Variants in HPS5 observed in about 807,000 individuals in gnomAD.
HPS5 encodes BLOC-2 complex member HPS5.
Under a neutral mutation model 128.0 loss-of-function variants are expected in HPS5, and 83 were observed. The observed-to-expected ratio is 0.65, with a 90% CI of 0.54 to 0.78. HPS5 has a LOEUF of 0.78. Among genes scored for constraint, HPS5 ranks in the 30% least tolerant of loss-of-function variants. The pLI is 0.00. For missense variants in HPS5, 1,281 were observed against 1,326.2 expected (o/e 0.97, Z 0.53); for synonymous variants, 475 against 470.2 (o/e 1.01, Z -0.13).
intron 11 of HPS5, among the ~76,000 whole-genome samples, chr11:18,297,301 G>T (rs944168246): frequency 6.6e-6 from 1 of 152,158 alleles, no homozygotes; most frequent in Non-Finnish European, 1.5e-5. Flanking sequence ...TTAGAGCAAC[G>T]TAACTTATGC....
intron 2 of HPS5, among the ~76,000 whole-genome samples, chr11:18,316,546 A>C (rs1863651680): frequency 6.6e-6 from 1 of 152,222 alleles, no homozygotes; most frequent in Non-Finnish European, 1.5e-5. Context: ...AGGGATGGTA[A>C]ATTAGAATTC....
chr11:18,293,115 G>C (rs973355489), intron 14 of HPS5, 139 bp from the exon 15 acceptor site: 4 of 720,996 alleles, frequency 5.5e-6, no homozygotes, highest in Non-Finnish European at 1.0e-5. Flanking sequence ...TCCGCCTCCC[G>C]GGTTCAAGCA....
At position 18,285,288 on chromosome 11, in the gene HPS5, A is replaced by G. The variant is rs112090610; in HGVS notation, c.2951+58T>C. 1.9e-4 allele frequency: 201 copies of G among 1,047,700 alleles called. 1 individual carries two copies. The African/African-American group carries it at 2.1e-3, about 11-fold the overall frequency. The allele number at this position is 1,047,700 out of a possible 1,614,324, so 64.9% of individuals were successfully genotyped here. On this transcript the variant is annotated intron_variant, in intron 20 of 22. Transcript: ENST00000349215. ...TATTAATTCAGACCCTTAACTATAA[A>G]GTTGTTAACTGAAATGTTTCTAACC...
At chr11:18,299,070 G>A in intron 9 of HPS5, 100 bp from the exon 10 acceptor site, 2 of 1,164,396 alleles carry the variant, frequency 1.7e-6, no homozygotes, top group African/African-American at 1.5e-5. Flanking sequence ...TTCTTACGTA[G>A]GGTTTGGCTT....
At chr11:18,305,353 A>G in intron 8 of HPS5, 69 bp downstream of exon 8, 1 of 1,069,694 alleles carries the variant, frequency 9.3e-7, no homozygotes, top group South Asian at 1.3e-5. Context: ...ACTACTTCTG[A>G]ACAAGAAACA....
intron 13 of HPS5, 31 bp downstream of exon 13, chr11:18,295,968 T>C (rs1324651859): frequency 7.5e-6 from 12 of 1,600,446 alleles, no homozygotes; most frequent in Middle Eastern, 1.7e-4. Context: ...AGATCAGTAA[T>C]GGAATTAAAT....
At chr11:18,297,794 T>C in intron 10 of HPS5, 77 bp from the exon 11 acceptor site, 14 of 1,344,870 alleles carry the variant, frequency 1.0e-5, no homozygotes, top group East Asian at 2.4e-5. Context: ...TTGAAAGAGG[T>C]CTAGGCCGGG....
At chr11:18,286,393 C>T (rs545800075) in intron 19 of HPS5, among the ~76,000 whole-genome samples, 198 bp downstream of exon 19, 54 of 152,138 alleles carry the variant, frequency 3.5e-4, no homozygotes, top group Non-Finnish European at 6.5e-4. Context: ...AAAAATTAGC[C>T]GGGCAGAGTG....
intron 19 of HPS5, 24 bp from the exon 20 acceptor site, chr11:18,285,483 A>C: frequency 2.1e-6 from 3 of 1,452,962 alleles, no homozygotes. Flanking sequence ...AGGAATCAGT[A>C]AATTAGATAG....
chr11:18,290,162 T>A (rs1475276526), intron 16 of HPS5, among the ~76,000 whole-genome samples: 1 of 152,034 alleles, frequency 6.6e-6, no homozygotes, highest in Non-Finnish European at 1.5e-5. Context: ...CATGACCACA[T>A]CCCTTAAGGG....
chr11:18,298,653 T>G, intron 10 of HPS5, 139 bp downstream of exon 10: 2 of 816,768 alleles, frequency 2.4e-6, no homozygotes, highest in South Asian at 2.8e-5. Flanking sequence ...TCTATCATGC[T>G]TTCTCTGGGC....
intron 20 of HPS5, among the ~76,000 whole-genome samples, chr11:18,285,058 G>A (rs1175195247): frequency 6.6e-6 from 1 of 151,288 alleles, no homozygotes; most frequent in Non-Finnish European, 1.5e-5. Flanking sequence ...ATAATCTGGT[G>A]CTTAATTAAA....
intron 16 of HPS5, 116 bp downstream of exon 16, chr11:18,291,326 T>C (rs1860376968): frequency 4.6e-6 from 3 of 657,562 alleles, no homozygotes; most frequent in African/African-American, 3.6e-5. Context: ...GAATAAAGGG[T>C]TGACCAGAAC....
At chr11:18,319,361 A>G (rs1243607549) in intron 1 of HPS5, among the ~76,000 whole-genome samples, 1 of 151,976 alleles carries the variant, frequency 6.6e-6, no homozygotes, top group African/African-American at 2.4e-5. Flanking sequence ...ATCACATTGA[A>G]TTAAAGGGAA....
intron 16 of HPS5, among the ~76,000 whole-genome samples, chr11:18,288,820 C>A (rs1017307692): frequency 6.6e-6 from 1 of 150,910 alleles, no homozygotes; most frequent in Non-Finnish European, 1.5e-5. Flanking sequence ...TGCGCACATG[C>A]GTGTGTGGAG....
intron 18 of HPS5, chr11:18,286,938 GA>G (rs1859821339): frequency 1.7e-6 from 1 of 595,238 alleles, no homozygotes; most frequent in Non-Finnish European, 2.9e-6. Context: ...GAAAGAGAGA[GA>G]GAAAGAAAGA....
Position 18,310,780 on chromosome 11 carries a change from C to G in HPS5, c.438G>C (p.Lys146Asn). Residue 146 changes from lysine to asparagine, a missense_variant, in exon 5 of 23, where the codon AAG becomes AAC. Physicochemically the swap from Lys to Asn is moderately conservative, Grantham distance 94. Coordinates refer to ENST00000349215, the MANE Select transcript of HPS5 (RefSeq NM_181507.2). ...LRVFVGDHAG[K>N]VSAIKLNTSK... is the part of the protein sequence containing the mutation. ...AAGTATTGAGTTTGATAGCAGAAAC[C>G]TTCCCAGCATGATCACCTACAAAAA... 6.2e-7 allele frequency: 1 copy of G among 1,614,106 alleles called. No homozygotes were observed. The highest frequency in any genetic ancestry group is 1.3e-5 in the African/African-American group (1 of 75,046).
chr11:18,285,267 A>T, intron 20 of HPS5, 79 bp downstream of exon 20: 1 of 847,714 alleles, frequency 1.2e-6, no homozygotes, highest in Non-Finnish European at 2.0e-6. Flanking sequence ...AATGTGTATT[A>T]ATTCAGACCC....
At chr11:18,280,033 CA>C in intron 22 of HPS5, 91 bp from the exon 23 acceptor site, 1 of 1,313,640 alleles carries the variant, frequency 7.6e-7, no homozygotes, top group East Asian at 2.4e-5. Flanking sequence ...TCAGAGGATT[CA>C]AAAAGTTGAC....
Sources: gnomAD v4.1 joint callset for allele counts (sites outside exome capture counted in the v4.1 genomes callset) on GRCh38, gnomAD v4.1.1 for gene constraint, MANE v1.5 for transcripts, NCBI Gene and HGNC (gene_info 2026-07-23, HGNC 2026-07-21) for gene names.